NSD2: variants seen among roughly 807,000 people sequenced by gnomAD.
NSD2 encodes the protein nuclear receptor binding SET domain protein 2, also known as histone-lysine N-methyltransferase NSD2.
NSD2 carries 12 observed loss-of-function variants against 139.0 expected under a neutral mutation model. The observed-to-expected ratio is 0.09, with a 90% CI of 0.06 to 0.14. The LOEUF is 0.14. Ranked by LOEUF, NSD2 falls within the 10% of genes least tolerant of loss-of-function variation. NSD2 has a pLI of 1.00. For missense variants in NSD2, 1,155 were observed against 1,745.0 expected, an observed-to-expected ratio of 0.66 and a Z score of 6.02; for synonymous variants, 669 against 648.7, an observed-to-expected ratio of 1.03 and a Z score of -0.48.
rs781398078 is a variant in NSD2, at chr4:1,948,573, C to T, written c.1882-2499C>T. The T allele has an allele frequency of 6.6e-6, 7 of 1,063,810 alleles. No homozygotes were observed. Among genetic ancestry groups the T allele is most frequent in the East Asian group, 5.1e-5 (1 of 19,736 alleles). 65.9% of individuals were successfully genotyped at this position (1,063,810 alleles called of 1,614,324 possible). A position where few individuals can be genotyped will look rare whatever the true frequency, so the allele number is the denominator to read the frequency against. Reference sequence around the variant, plus strand: ...GGGAGGGGGTGTGGTGGGAAAAAGTCGGAATCTCTGCAATCTGTGTCATGG... The same window carrying T: ...GGGAGGGGGTGTGGTGGGAAAAAGTTGGAATCTCTGCAATCTGTGTCATGG... On this transcript the variant is annotated intron_variant, in intron 9 of 21. Transcript: ENST00000508803. This position sits in a 1 kb window ranked among gnomAD's most constrained non-coding sequence, Gnocchi z 4.5.
intron 3 of NSD2, among the ~76,000 whole-genome samples, chr4:1,909,402 C>T (rs1243687614): frequency 2.6e-5 from 4 of 152,096 alleles, no homozygotes; most frequent in South Asian, 4.1e-4. Context: ...AAACTCTGTG[C>T]AGTAGGTCTC....
intron 1 of NSD2, among the ~76,000 whole-genome samples, chr4:1,886,082 C>T (rs536286189): frequency 3.9e-5 from 6 of 152,328 alleles, no homozygotes; most frequent in African/African-American, 9.6e-5. Context: ...TTTTCCTTTA[C>T]GAAACTAAAG....
rs373450281 is a variant in NSD2 at position 1,948,540 on chromosome 4, C to T, written c.1882-2532C>T. ...CCCCGACTGTGGCTAGTTGTCTGTC[C>T]GGTGGCTGGGAGGGGGTGTGGTGGG... On this transcript the variant is annotated intron_variant, in intron 9 of 21. Coordinates refer to ENST00000508803, the MANE Select transcript of NSD2 (RefSeq NM_001042424.3). The surrounding 1 kb of genome is among the most constrained non-coding windows in gnomAD (Gnocchi z 4.5). The T allele has an allele frequency of 8.3e-5, 88 of 1,064,228 alleles. No individual in the cohort carries two copies. The highest frequency in any genetic ancestry group is 3.0e-4 in the East Asian group (6 of 19,792). The allele number at this position is 1,064,228 out of a possible 1,614,324, so 65.9% of individuals were successfully genotyped here.
chr4:1,978,532 T>G (rs1321015434), intron 21 of NSD2, 106 bp from the exon 22 acceptor site: 1 of 1,474,220 alleles, frequency 6.8e-7, no homozygotes, highest in African/African-American at 1.4e-5. Context: ...GCCAGCACTA[T>G]TTTGTGTTCA....
intron 15 of NSD2, 69 bp from the exon 16 acceptor site, chr4:1,957,864 A>T (rs1724990910): frequency 7.1e-7 from 1 of 1,415,890 alleles, no homozygotes; most frequent in Non-Finnish European, 9.8e-7. Context: ...GAACTATAAA[A>T]ATATGGAGCT....
At position 1,953,277 on chromosome 4, in the gene NSD2, T is replaced by G. The variant is rs1453597101; in HGVS notation, c.2138-47T>G. 4.3e-6 allele frequency: 7 copies of G among 1,614,086 alleles called. No individual in the cohort carries two copies. In the South Asian group the frequency reaches 6.6e-5, roughly 15 times the overall value. ...GTGGCTCAGAACTGCAATTTAATTC[T>G]TGTTCTTTGCACCTCTCTCTCCACC... On this transcript the variant is annotated intron_variant, in intron 11 of 21. Coordinates refer to ENST00000508803, the MANE Select transcript of NSD2 (RefSeq NM_001042424.3).
At chr4:1,915,232 C>T (rs1719226014) in intron 3 of NSD2, among the ~76,000 whole-genome samples, 1 of 150,488 alleles carries the variant, frequency 6.6e-6, no homozygotes, top group African/African-American at 2.4e-5. Flanking sequence ...TCTCCTGCCT[C>T]AGCCTCCTGT....
intron 21 of NSD2, among the ~76,000 whole-genome samples, chr4:1,977,924 C>T (rs1054074835): frequency 9.9e-5 from 15 of 152,026 alleles, no homozygotes; most frequent in African/African-American, 2.2e-4. Context: ...GTCAGGAATT[C>T]GAGAGCAGCC....
At chr4:1,943,644 A>G in intron 9 of NSD2, 1 of 1,048,122 alleles carries the variant, frequency 9.5e-7, no homozygotes, top group Non-Finnish European at 1.2e-6. Flanking sequence ...CAGGATACAT[A>G]GCCCCAAAGA....
At position 1,956,519 on chromosome 4, in the gene NSD2, G is replaced by C. The variant is rs1054512181; in HGVS notation, c.2881+331G>C. 1.3e-5 allele frequency among the ~76,000 whole-genome samples: 2 copies of C among 152,050 alleles called. No homozygotes were observed. Among genetic ancestry groups the C allele is most frequent in the African/African-American group, 2.4e-5 (1 of 41,386 alleles). ...TCTGAAGGAAGGGTCCTGTTGTCTCGACCTTGTGCAGCAGGCTCTTGGGGG... is the reference window on the plus strand; with the variant it reads ...TCTGAAGGAAGGGTCCTGTTGTCTCCACCTTGTGCAGCAGGCTCTTGGGGG... On this transcript the variant is annotated intron_variant, in intron 15 of 21. Transcript: ENST00000508803. This position sits in a 1 kb window ranked among gnomAD's most constrained non-coding sequence, Gnocchi z 5.3.
rs1445291234 is a variant in NSD2, at chr4:1,935,157, GA to G, written c.1576del (p.Arg526GlufsTer72). On this transcript the variant is annotated frameshift_variant, in exon 7 of 22. Coordinates refer to ENST00000508803, the MANE Select transcript of NSD2 (RefSeq NM_001042424.3). LOFTEE classifies it high-confidence loss of function. ...AEEDSGNVNG[K>X]KRNHTKRIQD... Reference sequence around the variant, plus strand: ...CCCCATTCCAAGGTAATGTAAATGGGAAAAAAAGAAACCACACAAAGAGGAT... The same window carrying G: ...CCCCATTCCAAGGTAATGTAAATGGGAAAAAAGAAACCACACAAAGAGGAT... 2.5e-6 allele frequency: 4 copies of G among 1,609,738 alleles called. No homozygotes were observed. Among genetic ancestry groups the G allele is most frequent in the Non-Finnish European group, 3.4e-6 (4 of 1,177,898 alleles).
intron 15 of NSD2, among the ~76,000 whole-genome samples, chr4:1,957,033 T>A (rs992016842): frequency 6.6e-6 from 1 of 152,164 alleles, no homozygotes; most frequent in African/African-American, 2.4e-5. Flanking sequence ...GACTTATGTG[T>A]TTGCTGCGAC....
rs963177001 is a variant in NSD2 at position 1,972,806 on chromosome 4, C to T, written c.3373-2057C>T. ...GCTTTGTGAGAAAAGACATTGTGCA[C>T]GGAAGATTCCATTGGGAGCTGGGAA... On this transcript the variant is annotated intron_variant, in intron 18 of 21. Coordinates refer to ENST00000508803, the MANE Select transcript of NSD2 (RefSeq NM_001042424.3). The surrounding 1 kb of genome is among the most constrained non-coding windows in gnomAD (Gnocchi z 4.0). Among the ~76,000 whole-genome samples the T allele has an allele frequency of 2.0e-5, 3 of 152,146 alleles. No individual in the cohort carries two copies. The highest frequency in any genetic ancestry group is 6.5e-5 in the Admixed American group (1 of 15,272).
rs890915814 is a variant in NSD2, at chr4:1,947,703, AC to A, written c.1882-3368del. The A allele has an allele frequency of 1.6e-5, 17 of 1,053,604 alleles. No individual in the cohort carries two copies. The African/African-American group carries it at 2.5e-4, about 15-fold the overall frequency. 65.3% of individuals were successfully genotyped at this position (1,053,604 alleles called of 1,614,324 possible). A position where few individuals can be genotyped will look rare whatever the true frequency, so the allele number is the denominator to read the frequency against. ...TTGTAAACGCAAACACTGTGGAGGT[AC>A]TTCTCGCCATCAGCTTCCTTCTTTA... On this transcript the variant is annotated intron_variant, in intron 9 of 21. Coordinates refer to ENST00000508803, the MANE Select transcript of NSD2 (RefSeq NM_001042424.3).
chr4:1,890,244 A>C (rs1167408615), intron 1 of NSD2, among the ~76,000 whole-genome samples: 3 of 152,016 alleles, frequency 2.0e-5, no homozygotes, highest in African/African-American at 7.2e-5. Context: ...GCTTTTTGCT[A>C]TTACGAATAA....
chr4:1,918,092 T>G, intron 4 of NSD2, 49 bp from the exon 5 acceptor site: 3 of 1,573,970 alleles, frequency 1.9e-6, no homozygotes, highest in Non-Finnish European at 2.6e-6. Flanking sequence ...AGTAGTTAAC[T>G]TTTATGTTTG....
In NSD2 at chr4:1,956,263, A is replaced by AT; in HGVS notation, c.2881+78dup. 1 of 1,356,342 alleles carries AT rather than the reference A, an allele frequency of 7.4e-7. No homozygotes were observed. Among genetic ancestry groups the AT allele is most frequent in the Non-Finnish European group, 9.9e-7 (1 of 1,007,964 alleles). The allele number at this position is 1,356,342 out of a possible 1,614,324, so 84.0% of individuals were successfully genotyped here. ...TTACCCCTAATTTCTATTTTTTAAA[A>AT]TTTGATCTTTATAGAAAATACTGGA... On this transcript the variant is annotated intron_variant, in intron 15 of 21. Transcript: ENST00000508803. This position sits in a 1 kb window ranked among gnomAD's most constrained non-coding sequence, Gnocchi z 5.3.
rs540897362 is a variant in NSD2, at chr4:1,946,413, G to A, written c.1882-4659G>A. The A allele has an allele frequency of 4.2e-4, 183 of 434,184 alleles. 2 individuals carry two copies. Among genetic ancestry groups the A allele is most frequent in the African/African-American group, 1.6e-3 (76 of 46,784 alleles). 26.9% of individuals were successfully genotyped at this position (434,184 alleles called of 1,614,324 possible). ...CTCCCGAGTAGCTGGGACTACAAGCGGCTGCCACCACACCTGGCTATTTTT... is the reference window on the plus strand; with the variant it reads ...CTCCCGAGTAGCTGGGACTACAAGCAGCTGCCACCACACCTGGCTATTTTT... On this transcript the variant is annotated intron_variant, in intron 9 of 21. Coordinates refer to ENST00000508803, the MANE Select transcript of NSD2 (RefSeq NM_001042424.3).
In NSD2 at chr4:1,918,341, C is replaced by T; in HGVS notation, c.1128C>T (p.Ser376=). Reference sequence around the variant, plus strand: ...AGTCTTTGGGAGAAATGGCAGAATCCTCAGGAGTCAGTGAAGAAGCTGCTG... The same window carrying T: ...AGTCTTTGGGAGAAATGGCAGAATCTTCAGGAGTCAGTGAAGAAGCTGCTG... ...AAESLGEMAE[S]SGVSEEAAEN... is the part of the protein sequence containing the mutation. The change falls in exon 5 of 22, where the codon TCC becomes TCT. Residue 376 remains serine, a synonymous_variant. Transcript: ENST00000508803. 1.2e-6 allele frequency: 2 copies of T among 1,614,038 alleles called. No homozygotes were observed. The highest frequency in any genetic ancestry group is 8.5e-7 in the Non-Finnish European group (1 of 1,180,024).
Sources: allele counts gnomAD v4.1 joint callset (sites outside exome capture counted in the v4.1 genomes callset), GRCh38; gene constraint gnomAD v4.1.1; non-coding constraint Gnocchi (gnomAD v3.1); transcripts MANE v1.5; gene names NCBI Gene and HGNC (gene_info 2026-07-23, HGNC 2026-07-21).